The following ARID3B variants were observed in gnomAD, a reference collection of about 807,000 sequenced individuals.
The protein encoded by ARID3B is AT-rich interactive domain-containing protein 3B.
A neutral mutation model predicts 51.9 loss-of-function variants in ARID3B; 10 were observed. That is an observed-to-expected ratio of 0.19 (90% CI 0.12 to 0.33). The LOEUF (loss-of-function observed/expected upper bound fraction) is 0.33. ARID3B is among the 10% of genes least tolerant of loss of function. ARID3B has a pLI of 1.00. For synonymous variants in ARID3B, 205 were observed against 279.5 expected (o/e 0.73, Z 2.66); for missense variants, 483 against 716.3 (o/e 0.67, Z 3.72).
At chr15:74,592,566 G>A (rs1047657397) in intron 7 of ARID3B, among the ~76,000 whole-genome samples, 2 of 152,200 alleles carry the variant, frequency 1.3e-5, no homozygotes, top group African/African-American at 2.4e-5. Context: ...CCTGCACAAA[G>A]CAAAGGGCTG....
intron 2 of ARID3B, among the ~76,000 whole-genome samples, chr15:74,545,906 A>G (rs1464618434): frequency 6.6e-6 from 1 of 152,150 alleles, no homozygotes; most frequent in Admixed American, 6.6e-5. Flanking sequence ...CTCATCTGTG[A>G]AATAAAAAGA....
At position 74,571,520 on chromosome 15, in the gene ARID3B, T is replaced by C. The variant is rs555628452; in HGVS notation, c.553-1342T>C. 2.0e-3 allele frequency among the ~76,000 whole-genome samples: 298 copies of C among 152,324 alleles called. 2 individuals are homozygous for C. The highest frequency in any genetic ancestry group is 1.7e-3 in the Non-Finnish European group (114 of 68,038). On this transcript the variant is annotated intron_variant, in intron 2 of 8. Coordinates refer to ENST00000346246, the MANE Select transcript of ARID3B (RefSeq NM_006465.4). The stretch of plus-strand genomic sequence containing the variant: ...TGGGTCGGGGTGAACAAGAGAGTTA[T>C]ACTGTGAGAGTTCATACCCTCACTA...
intron 8 of ARID3B, among the ~76,000 whole-genome samples, chr15:74,595,306 G>A: frequency 6.6e-6 from 1 of 152,172 alleles, no homozygotes; most frequent in Non-Finnish European, 1.5e-5. Context: ...CCAAAGTGCT[G>A]GGATTATAGT....
At chr15:74,578,164 TTTTTG>T (rs1311793354) in intron 4 of ARID3B, among the ~76,000 whole-genome samples, 103 of 46,388 alleles carry the variant, frequency 2.2e-3, no homozygotes, top group African/African-American at 5.1e-3. Context: ...GCCTGTCTTT[TTTTTG>T]TTTTTTTTTG....
At chr15:74,589,162 G>A (rs2061794148) in intron 4 of ARID3B, among the ~76,000 whole-genome samples, 1 of 151,440 alleles carries the variant, frequency 6.6e-6, no homozygotes, top group Non-Finnish European at 1.5e-5. Flanking sequence ...CGAGTAGCTG[G>A]GACTACAGGC....
chr15:74,553,997 A>G (rs1000421088), intron 2 of ARID3B, among the ~76,000 whole-genome samples: 2 of 146,940 alleles, frequency 1.4e-5, no homozygotes, highest in Non-Finnish European at 3.0e-5. Context: ...CTAATTTTGT[A>G]TTTTTTTTGT....
chr15:74,571,600 G>T (rs1285513642), intron 2 of ARID3B, among the ~76,000 whole-genome samples: 2 of 152,188 alleles, frequency 1.3e-5, no homozygotes, highest in Non-Finnish European at 2.9e-5. Context: ...TTGAAGAGGT[G>T]CTTAATTGGT....
intron 8 of ARID3B, among the ~76,000 whole-genome samples, chr15:74,593,665 T>C (rs963751601): frequency 1.3e-5 from 2 of 152,230 alleles, no homozygotes; most frequent in Non-Finnish European, 2.9e-5. Context: ...TTTACAGTTA[T>C]CTTTTCCTAA....
At chr15:74,590,063 T>G (rs1227523805) in intron 5 of ARID3B, 60 bp downstream of exon 5, 7 of 1,483,538 alleles carry the variant, frequency 4.7e-6, no homozygotes, top group African/African-American at 1.4e-5. Flanking sequence ...TGTTGTAACC[T>G]AGAGGAGAGG....
intron 4 of ARID3B, among the ~76,000 whole-genome samples, chr15:74,583,455 C>T (rs1234729959): frequency 1.3e-5 from 2 of 152,010 alleles, no homozygotes; most frequent in South Asian, 2.1e-4. Context: ...TGGTGGCTCA[C>T]GGCAGTCATC....
At chr15:74,571,123 C>T (rs1365227110) in intron 2 of ARID3B, among the ~76,000 whole-genome samples, 1 of 152,068 alleles carries the variant, frequency 6.6e-6, no homozygotes. Flanking sequence ...TCACTGTGTG[C>T]CAGATTGCTG....
intron 7 of ARID3B, 59 bp from the exon 8 acceptor site, chr15:74,593,079 G>C: frequency 6.6e-7 from 1 of 1,512,334 alleles, no homozygotes; most frequent in Non-Finnish European, 9.1e-7. Context: ...GCATCAGAGA[G>C]GACAACAGGA....
chr15:74,575,663 C>T (rs146153199), intron 4 of ARID3B, among the ~76,000 whole-genome samples: 3 of 152,316 alleles, frequency 2.0e-5, no homozygotes, highest in African/African-American at 7.2e-5. Context: ...GAACCCAAAG[C>T]AGGAGTGAGT....
intron 2 of ARID3B, among the ~76,000 whole-genome samples, chr15:74,551,577 T>C (rs1246501264): frequency 1.3e-5 from 2 of 152,196 alleles, no homozygotes; most frequent in African/African-American, 2.4e-5. Context: ...CCTGACTCTT[T>C]GGGCTCATTC....
intron 2 of ARID3B, among the ~76,000 whole-genome samples, chr15:74,557,639 A>T (rs2061663596): frequency 1.3e-5 from 2 of 152,018 alleles, no homozygotes; most frequent in Non-Finnish European, 2.9e-5. Context: ...AGAGACATAC[A>T]ACTCTTCCTT....
At chr15:74,546,120 G>A (rs770159510) in intron 2 of ARID3B, among the ~76,000 whole-genome samples, 26 of 152,216 alleles carry the variant, frequency 1.7e-4, no homozygotes, top group Non-Finnish European at 1.5e-5. Context: ...ATCACCCAGG[G>A]AGATAGTGGC....
intron 5 of ARID3B, among the ~76,000 whole-genome samples, chr15:74,590,475 A>G (rs76091141): frequency 0.034 from 5,206 of 152,302 alleles, 130 homozygotes; most frequent in Middle Eastern, 0.12. Flanking sequence ...GAGGACCCAG[A>G]GAAAGGCAGG....
At chr15:74,586,075 C>T (rs910674479) in intron 4 of ARID3B, among the ~76,000 whole-genome samples, 5 of 152,204 alleles carry the variant, frequency 3.3e-5, no homozygotes, top group African/African-American at 1.2e-4. Flanking sequence ...ACCAGGGTGC[C>T]TGATCAGGGC....
intron 4 of ARID3B, among the ~76,000 whole-genome samples, chr15:74,575,517 A>C (rs1306057242): frequency 6.6e-6 from 1 of 152,076 alleles, no homozygotes; most frequent in East Asian, 1.9e-4. Context: ...AGCTGCCTTG[A>C]GGTTTGGGTG....
Sources: allele counts gnomAD v4.1 joint callset (sites outside exome capture counted in the v4.1 genomes callset), GRCh38; gene constraint gnomAD v4.1.1; transcripts MANE v1.5; gene names NCBI Gene and HGNC (gene_info 2026-07-23, HGNC 2026-07-21).